SCRG1: variants seen among roughly 807,000 people sequenced by gnomAD.
The protein encoded by SCRG1 is stimulator of chondrogenesis 1.
A neutral mutation model predicts 7.7 loss-of-function variants in SCRG1; 3 were observed. The ratio of observed to expected loss-of-function variants is 0.39; its 90% CI spans 0.18 to 1.01. The LOEUF (loss-of-function observed/expected upper bound fraction) is 1.01. SCRG1 is among the 50% of genes least tolerant of loss of function. The probability of loss-of-function intolerance (pLI) is 0.36; values close to 1 mark genes in which losing one functional copy is unlikely to be tolerated. For missense variants in SCRG1, 110 were observed against 117.2 expected, an observed-to-expected ratio of 0.94 and a Z score of 0.28; for synonymous variants, 46 against 41.2, an observed-to-expected ratio of 1.12 and a Z score of -0.44.
At chr4:173,445,199 C>G in the SCRG1 span, among the ~76,000 whole-genome samples, 6 of 152,258 alleles carry the variant, frequency 3.9e-5, no homozygotes, top group East Asian at 1.2e-3. Context: ...CTACTCCAAA[C>G]TGAAATTAAT....
the SCRG1 span, among the ~76,000 whole-genome samples, chr4:173,418,846 G>C: frequency 6.6e-6 from 1 of 151,958 alleles, no homozygotes; most frequent in Non-Finnish European, 1.5e-5. Context: ...TTCTTCTCTG[G>C]CCATATAAGA....
At chr4:173,495,291 A>T in the SCRG1 span, among the ~76,000 whole-genome samples, 9 of 152,254 alleles carry the variant, frequency 5.9e-5, no homozygotes, top group African/African-American at 1.4e-4. Context: ...GATATAATGA[A>T]TTCACAGAAT....
chr4:173,507,694 C>T, the SCRG1 span, among the ~76,000 whole-genome samples: 1 of 152,188 alleles, frequency 6.6e-6, no homozygotes, highest in South Asian at 2.1e-4. This position sits in a 1 kb window ranked among gnomAD's most constrained non-coding sequence, Gnocchi z 4.4. Flanking sequence ...GGAGGCCGAT[C>T]TGAGGAGAGA....
At chr4:173,420,796 C>T in the SCRG1 span, among the ~76,000 whole-genome samples, 2 of 151,952 alleles carry the variant, frequency 1.3e-5, no homozygotes, top group South Asian at 4.2e-4. Flanking sequence ...CTATAAATTG[C>T]TTGTAAATGA....
chr4:173,483,838 A>ATAATATATATGATATATT, the SCRG1 span, among the ~76,000 whole-genome samples: 2 of 13,584 alleles, frequency 1.5e-4, 1 homozygote, highest in East Asian at 7.8e-3. Context: ...TATAATATAT[A>ATAATATATATGATATATT]ATATATAATA....
At chr4:173,510,423 C>CATATATATATATAT in the SCRG1 span, among the ~76,000 whole-genome samples, 2 of 149,114 alleles carry the variant, frequency 1.3e-5, no homozygotes, top group African/African-American at 5.0e-5. The surrounding 1 kb of genome is among the most constrained non-coding windows in gnomAD (Gnocchi z 5.7). Flanking sequence ...AGGCCAAAAC[C>CATATATATATATAT]ATATATATAT....
chr4:173,445,618 A>G, the SCRG1 span, among the ~76,000 whole-genome samples: 3 of 150,834 alleles, frequency 2.0e-5, no homozygotes, highest in Non-Finnish European at 4.4e-5. Flanking sequence ...CATGCAAGTC[A>G]CTGAATCCAT....
the SCRG1 span, among the ~76,000 whole-genome samples, chr4:173,442,573 T>G: frequency 1.3e-5 from 2 of 152,224 alleles, no homozygotes; most frequent in Admixed American, 1.3e-4. Flanking sequence ...CATGTCTCCA[T>G]GTTTTTCTAT....
the SCRG1 span, among the ~76,000 whole-genome samples, chr4:173,506,690 G>A: frequency 6.6e-6 from 1 of 152,156 alleles, no homozygotes; most frequent in Admixed American, 6.5e-5. This position sits in a 1 kb window ranked among gnomAD's most constrained non-coding sequence, Gnocchi z 5.3. Flanking sequence ...GAGCGACGGA[G>A]GACCACCTCT....
At chr4:173,514,314 A>G in the SCRG1 span, among the ~76,000 whole-genome samples, 2 of 152,212 alleles carry the variant, frequency 1.3e-5, no homozygotes, top group African/African-American at 2.4e-5. Context: ...AGGCTAAGCT[A>G]AGCATACAAC....
At chr4:173,388,493 G>T in intron 2 of SCRG1, 98 bp from the exon 3 acceptor site, 1 of 810,054 alleles carries the variant, frequency 1.2e-6, no homozygotes, top group South Asian at 1.9e-5. Context: ...CAGGATTTCA[G>T]TTATGATTAT....
At chr4:173,390,771 G>A (rs774974365) in intron 2 of SCRG1, among the ~76,000 whole-genome samples, 4 of 152,302 alleles carry the variant, frequency 2.6e-5, no homozygotes, top group Non-Finnish European at 4.4e-5. Context: ...TTACAGGCGT[G>A]AGCCACCGGG....
chr4:173,483,769 G>T, the SCRG1 span, among the ~76,000 whole-genome samples: 3 of 18,430 alleles, frequency 1.6e-4, 1 homozygote, highest in East Asian at 5.6e-3. Context: ...TCATATATAT[G>T]ATATATGATA....
At chr4:173,408,925 G>A (rs1739978737), upstream of SCRG1, among the ~76,000 whole-genome samples, 2 of 145,946 alleles carry the variant, frequency 1.4e-5, no homozygotes, top group African/African-American at 5.1e-5. Context: ...CCCGGAGGCA[G>A]AGCTTGCAGT....
the SCRG1 span, among the ~76,000 whole-genome samples, chr4:173,497,312 A>G: frequency 8.6e-5 from 13 of 152,042 alleles, no homozygotes; most frequent in African/African-American, 3.1e-4. Context: ...GCCCATTCCC[A>G]CACTGCCTCA....
chr4:173,437,872 G>A, the SCRG1 span, among the ~76,000 whole-genome samples: 1 of 152,196 alleles, frequency 6.6e-6, no homozygotes, highest in Non-Finnish European at 1.5e-5. Flanking sequence ...CATAGGCAGT[G>A]CCAAGATGCA....
chr4:173,475,965 G>A, the SCRG1 span, among the ~76,000 whole-genome samples: 89,819 of 151,872 alleles, frequency 0.59, 29,084 homozygotes, highest in Non-Finnish European at 0.73. Flanking sequence ...TGGATATAGA[G>A]TTTCAGTTTG....
the SCRG1 span, among the ~76,000 whole-genome samples, chr4:173,464,803 C>T: frequency 2.2e-3 from 335 of 152,298 alleles, 4 homozygotes; most frequent in South Asian, 6.0e-3. Flanking sequence ...ATGTTCATCG[C>T]AGCATCATTC....
At chr4:173,502,703 C>T in the SCRG1 span, among the ~76,000 whole-genome samples, 1 of 152,162 alleles carries the variant, frequency 6.6e-6, no homozygotes, top group African/African-American at 2.4e-5. This position sits in a 1 kb window ranked among gnomAD's most constrained non-coding sequence, Gnocchi z 4.6. Flanking sequence ...GACACCAAGG[C>T]CTCCCTTTCT....
Sources: allele counts gnomAD v4.1 joint callset (sites outside exome capture counted in the v4.1 genomes callset), GRCh38; gene constraint gnomAD v4.1.1; non-coding constraint Gnocchi (gnomAD v3.1); transcripts MANE v1.5; gene names NCBI Gene and HGNC (gene_info 2026-07-23, HGNC 2026-07-21).